The following PPP3CC variants were observed in gnomAD, a reference collection of about 807,000 sequenced individuals.
The protein encoded by PPP3CC is protein phosphatase 3 catalytic subunit gamma.
A neutral mutation model predicts 60.3 loss-of-function variants in PPP3CC; 35 were observed. That is an observed-to-expected ratio of 0.58 (90% CI 0.44 to 0.77). The LOEUF is 0.77. Among genes scored for constraint, PPP3CC ranks in the 30% least tolerant of loss-of-function variants. PPP3CC has a pLI of 0.00. For missense variants in PPP3CC, 570 were observed against 628.9 expected, an observed-to-expected ratio of 0.91 and a Z score of 1.00; for synonymous variants, 206 against 224.3, an observed-to-expected ratio of 0.92 and a Z score of 0.73.
chr8:22,528,717 C>T (rs532592154), intron 10 of PPP3CC, 140 bp downstream of exon 10: 32 of 627,474 alleles, frequency 5.1e-5, no homozygotes, highest in African/African-American at 1.1e-4. Context: ...TTGAAAAATA[C>T]GAGAAACCAT....
chr8:22,457,052 CCCCTCCCT>C (rs1378707387), intron 1 of PPP3CC, among the ~76,000 whole-genome samples: 16 of 96,846 alleles, frequency 1.7e-4, no homozygotes, highest in African/African-American at 6.0e-4. Flanking sequence ...TCCCTTCCTT[CCCCTCCCT>C]CCCTCCCTCC....
intron 3 of PPP3CC, among the ~76,000 whole-genome samples, chr8:22,494,912 A>G (rs1489974054): frequency 6.6e-6 from 1 of 152,196 alleles, no homozygotes; most frequent in Admixed American, 6.5e-5. Flanking sequence ...TTTATTATAT[A>G]GAGGGTGGCA....
intron 1 of PPP3CC, among the ~76,000 whole-genome samples, chr8:22,459,189 A>G (rs867806457): frequency 1.4e-4 from 22 of 151,832 alleles, no homozygotes; most frequent in African/African-American, 5.1e-4. Context: ...GCCTCCACCT[A>G]CACCTCCCAA....
intron 1 of PPP3CC, among the ~76,000 whole-genome samples, chr8:22,472,164 C>G (rs576437017): frequency 1.3e-5 from 2 of 151,810 alleles, no homozygotes; most frequent in Admixed American, 1.3e-4. Flanking sequence ...ATATATTAAA[C>G]TTAGCTTACT....
At chr8:22,466,840 C>T (rs1052971220) in intron 1 of PPP3CC, among the ~76,000 whole-genome samples, 4 of 152,102 alleles carry the variant, frequency 2.6e-5, no homozygotes, top group Admixed American at 1.3e-4. Flanking sequence ...CTATTGGGTT[C>T]CAGAGATCCT....
At chr8:22,515,303 T>A (rs1230156575) in intron 6 of PPP3CC, among the ~76,000 whole-genome samples, 2 of 152,228 alleles carry the variant, frequency 1.3e-5, no homozygotes, top group African/African-American at 4.8e-5. Flanking sequence ...TGACAGGATC[T>A]CATTCTTTTC....
intron 1 of PPP3CC, among the ~76,000 whole-genome samples, chr8:22,454,225 A>C (rs1005830632): frequency 2.0e-5 from 3 of 152,154 alleles, no homozygotes; most frequent in Non-Finnish European, 4.4e-5. Flanking sequence ...TTATTTTTAA[A>C]ACTTTTTTGT....
At chr8:22,455,483 G>A (rs866910152) in intron 1 of PPP3CC, among the ~76,000 whole-genome samples, 4 of 152,244 alleles carry the variant, frequency 2.6e-5, no homozygotes, top group Middle Eastern at 3.4e-3. Flanking sequence ...GTGTGCCTAC[G>A]TATGTTTTTT....
At chr8:22,446,784 T>C (rs1415684517) in intron 1 of PPP3CC, among the ~76,000 whole-genome samples, 1 of 115,324 alleles carries the variant, frequency 8.7e-6, no homozygotes, top group African/African-American at 3.6e-5. Context: ...CTAGTCTGGG[T>C]GACAGAGCAA....
chr8:22,462,859 A>G (rs1837403180), intron 1 of PPP3CC, among the ~76,000 whole-genome samples: 2 of 152,204 alleles, frequency 1.3e-5, no homozygotes, highest in Non-Finnish European at 1.5e-5. Flanking sequence ...AGCAGCATTT[A>G]AGACTCTAAA....
At chr8:22,468,593 G>A (rs1373535181) in intron 1 of PPP3CC, among the ~76,000 whole-genome samples, 3 of 151,220 alleles carry the variant, frequency 2.0e-5, no homozygotes, top group Non-Finnish European at 4.4e-5. Context: ...CTTCTAATAG[G>A]CATCTCAAAT....
rs748367526 is a variant in PPP3CC at position 22,475,583 on chromosome 8, T to C, written c.331T>C (p.Phe111Leu). The C allele has an allele frequency of 5.6e-6, 9 of 1,613,468 alleles. No homozygotes were observed. The highest frequency in any genetic ancestry group is 1.3e-5 in the African/African-American group (1 of 75,026). The change falls in exon 3 of 14, where the codon TTT becomes CTT. Residue 111 changes from phenylalanine to leucine, a missense_variant. By Grantham distance (22) the Phe-to-Leu change is conservative. Transcript: ENST00000240139. The part of the protein sequence containing the change: ...GGSPSNTRYL[F>L]LGDYVDRGYF... ...ATCACCTAGTAACACACGCTACCTC[T>C]TTCTGGGTGACTATGTGGACAGAGG... is the stretch of plus-strand genomic sequence containing the variant.
At chr8:22,518,785 C>T (rs1237025819) in intron 6 of PPP3CC, among the ~76,000 whole-genome samples, 4 of 152,178 alleles carry the variant, frequency 2.6e-5, no homozygotes, top group African/African-American at 4.8e-5. Flanking sequence ...TTCCTGGGTT[C>T]AAGCAATTCT....
At chr8:22,530,617 G>A (rs181442627) in intron 10 of PPP3CC, among the ~76,000 whole-genome samples, 27 of 150,388 alleles carry the variant, frequency 1.8e-4, no homozygotes, top group Non-Finnish European at 1.5e-5. Context: ...TGGATCATGA[G>A]GTCAGGAGAT....
At chr8:22,445,368 T>C (rs946414821) in intron 1 of PPP3CC, among the ~76,000 whole-genome samples, 3 of 152,122 alleles carry the variant, frequency 2.0e-5, no homozygotes, top group Admixed American at 6.6e-5. Context: ...TTACCGAGGG[T>C]TTAAAATTTT....
chr8:22,477,529 T>A (rs1837929512), intron 3 of PPP3CC, among the ~76,000 whole-genome samples: 1 of 151,478 alleles, frequency 6.6e-6, no homozygotes. Context: ...ACACATTGAG[T>A]TCAGTTTATT....
chr8:22,518,904 T>G (rs1351839727), intron 6 of PPP3CC, among the ~76,000 whole-genome samples: 1 of 151,856 alleles, frequency 6.6e-6, no homozygotes, highest in African/African-American at 2.4e-5. Flanking sequence ...CCAGGCTGGT[T>G]TCGAACTCCT....
chr8:22,452,509 T>C (rs916335897), intron 1 of PPP3CC, among the ~76,000 whole-genome samples: 2 of 152,158 alleles, frequency 1.3e-5, no homozygotes, highest in Non-Finnish European at 1.5e-5. Context: ...GTTTTTTTTT[T>C]CAAGGAGATG....
intron 6 of PPP3CC, among the ~76,000 whole-genome samples, chr8:22,519,269 C>G (rs1839339733): frequency 6.6e-6 from 1 of 152,116 alleles, no homozygotes. Context: ...TTATGTGTGT[C>G]TTTAAATCTA....
Sources: allele counts gnomAD v4.1 joint callset (sites outside exome capture counted in the v4.1 genomes callset), GRCh38; gene constraint gnomAD v4.1.1; transcripts MANE v1.5; gene names NCBI Gene and HGNC (gene_info 2026-07-23, HGNC 2026-07-21).